Variants in LRMDA observed in about 807,000 individuals in gnomAD.
LRMDA encodes leucine rich melanocyte differentiation associated.
In LRMDA, 18 loss-of-function variants were observed where a neutral mutation model predicts 29.8. That is an observed-to-expected ratio of 0.60 (90% CI 0.42 to 0.90). The LOEUF (loss-of-function observed/expected upper bound fraction) is 0.90, where lower values mean the gene tolerates loss of function less well. Ranked by LOEUF, LRMDA falls within the 40% of genes least tolerant of loss-of-function variation. The probability of loss-of-function intolerance (pLI) is 0.00; values close to 1 mark genes in which losing one functional copy is unlikely to be tolerated. For synonymous variants in LRMDA, 125 were observed against 109.4 expected (o/e 1.14, Z -0.89); for missense variants, 273 against 273.9 (o/e 1.00, Z 0.02).
chr10:76,004,481 G>T (rs1435889788), intron 2 of LRMDA, among the ~76,000 whole-genome samples: 1 of 152,156 alleles, frequency 6.6e-6, no homozygotes, highest in Non-Finnish European at 1.5e-5. Flanking sequence ...TGGTCTGCTG[G>T]TTACTAAACT....
chr10:75,508,912 G>T (rs963810536), intron 2 of LRMDA, among the ~76,000 whole-genome samples: 9 of 152,074 alleles, frequency 5.9e-5, no homozygotes, highest in African/African-American at 2.2e-4. Context: ...ATGTCTTTAT[G>T]GTGTTTTTTC....
intron 4 of LRMDA, among the ~76,000 whole-genome samples, chr10:76,048,686 T>C (rs1419790387): frequency 6.6e-6 from 1 of 152,200 alleles, no homozygotes; most frequent in Non-Finnish European, 1.5e-5. Context: ...AGTCCATAGG[T>C]GTTTCTGATG....
chr10:75,809,039 C>T (rs1276881498), intron 2 of LRMDA, among the ~76,000 whole-genome samples: 1 of 152,074 alleles, frequency 6.6e-6, no homozygotes, highest in African/African-American at 2.4e-5. Flanking sequence ...ACTAGAGGGG[C>T]CCACCCTTGC....
intron 6 of LRMDA, among the ~76,000 whole-genome samples, chr10:76,365,886 G>T (rs1363077998): frequency 1.3e-5 from 2 of 152,082 alleles, no homozygotes; most frequent in Admixed American, 1.3e-4. Flanking sequence ...CAGGTCTTAG[G>T]TTTAAGTCCT....
chr10:75,514,722 T>C (rs9416063), intron 2 of LRMDA, among the ~76,000 whole-genome samples: 78,558 of 152,038 alleles, frequency 0.52, 22,449 homozygotes, highest in Non-Finnish European at 0.63. Context: ...CTTCGCCTTC[T>C]GCTAGGAGTG....
At chr10:75,999,759 T>C (rs534163331) in intron 2 of LRMDA, among the ~76,000 whole-genome samples, 4 of 152,360 alleles carry the variant, frequency 2.6e-5, no homozygotes, top group African/African-American at 9.6e-5. Context: ...TATCTACATT[T>C]CACTTGATTT....
Position 76,271,128 on chromosome 10 carries a change from C to T in LRMDA, c.517-53273C>T, listed in dbSNP as rs989820325. 5.3e-5 allele frequency among the ~76,000 whole-genome samples: 8 copies of T among 152,318 alleles called. No homozygotes were observed. In the East Asian group the frequency reaches 1.2e-3, roughly 22 times the overall value. ...TCCATATGTAATCAAGAATTCCTAC[C>T]TTGGCTAGGCGGCTCACGCCTGTAA... On this transcript the variant is annotated intron_variant, in intron 5 of 6. Coordinates refer to ENST00000611255, the MANE Select transcript of LRMDA (RefSeq NM_001305581.2).
chr10:76,397,737 C>G (rs577123604), intron 6 of LRMDA, among the ~76,000 whole-genome samples: 1 of 152,306 alleles, frequency 6.6e-6, no homozygotes, highest in East Asian at 1.9e-4. Context: ...ATGCTCGCCT[C>G]AACAGTTCCC....
At chr10:75,894,889 C>T (rs897279324) in intron 2 of LRMDA, among the ~76,000 whole-genome samples, 9 of 152,174 alleles carry the variant, frequency 5.9e-5, no homozygotes, top group African/African-American at 2.2e-4. Context: ...GTGTTTTGTA[C>T]TTACATAATC....
intron 5 of LRMDA, among the ~76,000 whole-genome samples, chr10:76,236,349 C>G (rs1213332504): frequency 6.6e-6 from 1 of 152,154 alleles, no homozygotes; most frequent in African/African-American, 2.4e-5. Flanking sequence ...GGAGTTACAT[C>G]AGGCTTTTAA....
At chr10:76,122,964 A>G (rs887287103) in intron 5 of LRMDA, among the ~76,000 whole-genome samples, 1 of 152,158 alleles carries the variant, frequency 6.6e-6, no homozygotes, top group Non-Finnish European at 1.5e-5. Flanking sequence ...TGGATCATCT[A>G]GGATGATCCG....
chr10:75,504,690 G>T (rs1204902874), intron 2 of LRMDA, among the ~76,000 whole-genome samples: 1 of 152,150 alleles, frequency 6.6e-6, no homozygotes, highest in Non-Finnish European at 1.5e-5. Context: ...GTAACAGCAT[G>T]TGCAAAGGCC....
At chr10:76,348,806 A>C (rs529832925) in intron 6 of LRMDA, among the ~76,000 whole-genome samples, 2 of 152,366 alleles carry the variant, frequency 1.3e-5, no homozygotes, top group African/African-American at 4.8e-5. Context: ...AGGACCTAGC[A>C]GACAGAAACT....
At chr10:75,911,050 G>C (rs980131696) in intron 2 of LRMDA, among the ~76,000 whole-genome samples, 1 of 151,800 alleles carries the variant, frequency 6.6e-6, no homozygotes, top group African/African-American at 2.4e-5. Context: ...TCTTTACTGT[G>C]TGCTGGCCAC....
rs112033390 is a variant in LRMDA at position 75,988,348 on chromosome 10, G to A, written c.132-47660G>A. 9.2e-5 allele frequency among the ~76,000 whole-genome samples: 14 copies of A among 152,066 alleles called. No homozygotes were observed. The South Asian group carries it at 1.9e-3, about 20-fold the overall frequency. On this transcript the variant is annotated intron_variant, in intron 2 of 6. Coordinates refer to ENST00000611255, the MANE Select transcript of LRMDA (RefSeq NM_001305581.2). ...TCCAGCCTCCACCACCTTGAAGGCCGTGAGTCCGAACAGGGGACCCAGAGA... is the reference window on the plus strand; with the variant it reads ...TCCAGCCTCCACCACCTTGAAGGCCATGAGTCCGAACAGGGGACCCAGAGA...
At chr10:76,218,722 A>G (rs529721556) in intron 5 of LRMDA, among the ~76,000 whole-genome samples, 2 of 152,324 alleles carry the variant, frequency 1.3e-5, no homozygotes, top group Admixed American at 6.5e-5. Flanking sequence ...TGGTGGATCA[A>G]ATCACCATTT....
At chr10:76,497,260 C>A (rs2132340452) in intron 6 of LRMDA, among the ~76,000 whole-genome samples, 1 of 73,846 alleles carries the variant, frequency 1.4e-5, no homozygotes, top group African/African-American at 3.3e-5. Flanking sequence ...ATATTTTAGG[C>A]AAGTAGAAGA....
chr10:75,565,711 A>G (rs1840363476), intron 2 of LRMDA, among the ~76,000 whole-genome samples: 1 of 152,200 alleles, frequency 6.6e-6, no homozygotes, highest in South Asian at 2.1e-4. Flanking sequence ...TTTGCTGGTC[A>G]ACCTCATTGT....
At chr10:76,353,831 A>G (rs1285875147) in intron 6 of LRMDA, among the ~76,000 whole-genome samples, 2 of 152,100 alleles carry the variant, frequency 1.3e-5, no homozygotes, top group Non-Finnish European at 2.9e-5. Context: ...ATTCTGTTCC[A>G]TTACTTTGTA....
Sources: gnomAD v4.1 joint callset for allele counts (sites outside exome capture counted in the v4.1 genomes callset) on GRCh38, gnomAD v4.1.1 for gene constraint, MANE v1.5 for transcripts, NCBI Gene and HGNC (gene_info 2026-07-23, HGNC 2026-07-21) for gene names.